SLC39A12: variants seen among roughly 807,000 people sequenced by gnomAD.
The protein encoded by SLC39A12 is zinc transporter ZIP12.
In SLC39A12, 63 loss-of-function variants were observed where a neutral mutation model predicts 71.1. The ratio of observed to expected loss-of-function variants is 0.89; its 90% CI spans 0.72 to 1.09. The LOEUF (loss-of-function observed/expected upper bound fraction) is 1.09, where lower values mean the gene tolerates loss of function less well. SLC39A12 is among the 50% of genes least tolerant of loss of function. SLC39A12 has a pLI of 0.00. For synonymous variants in SLC39A12, 351 were observed against 301.3 expected (o/e 1.16, Z -1.71); for missense variants, 892 against 812.6 (o/e 1.10, Z -1.19).
chr10:18,019,242 C>G (rs146188185), intron 12 of SLC39A12, among the ~76,000 whole-genome samples: 1 of 151,952 alleles, frequency 6.6e-6, no homozygotes, highest in Non-Finnish European at 1.5e-5. Flanking sequence ...TAGTGACATC[C>G]TCTCTTTGAT....
rs750722660 is a variant in SLC39A12, at chr10:17,981,518, G to A, written c.1096+35G>A. 1.9e-6 allele frequency: 3 copies of A among 1,548,960 alleles called. No individual in the cohort carries two copies. In the South Asian group the frequency reaches 3.5e-5, roughly 18 times the overall value. ...GGATCTTCCTTCAGAAAGCTGATGT[G>A]CACAATGTATGCAATAATAATAGTA... is the stretch of plus-strand genomic sequence containing the variant. On this transcript the variant is annotated intron_variant, in intron 6 of 12. Coordinates refer to ENST00000377369, the MANE Select transcript of SLC39A12 (RefSeq NM_001145195.2).
At chr10:18,035,657 CA>C (rs1836983551) in intron 12 of SLC39A12, among the ~76,000 whole-genome samples, 1 of 152,238 alleles carries the variant, frequency 6.6e-6, no homozygotes. Flanking sequence ...TCGTCAAAGT[CA>C]TTCTCCATCC....
At chr10:17,998,366 G>A (rs560243795) in intron 10 of SLC39A12, among the ~76,000 whole-genome samples, 4 of 152,306 alleles carry the variant, frequency 2.6e-5, no homozygotes, top group Admixed American at 6.5e-5. Flanking sequence ...ATATAGGCAT[G>A]TGGAAATTAC....
chr10:18,013,346 T>TTTTTTA (rs57028037), intron 12 of SLC39A12, among the ~76,000 whole-genome samples: 2,449 of 139,830 alleles, frequency 0.018, 72 homozygotes, highest in African/African-American at 0.058. Flanking sequence ...TCCAACTTTA[T>TTTTTTA]TTATTATTAT....
chr10:17,953,637 C>A, intron 2 of SLC39A12, 100 bp downstream of exon 2: 2 of 1,362,664 alleles, frequency 1.5e-6, no homozygotes, highest in Admixed American at 2.5e-5. Flanking sequence ...ACAGGCAAAT[C>A]TTCCAATATG....
intron 6 of SLC39A12, among the ~76,000 whole-genome samples, chr10:17,985,014 A>G (rs1261316734): frequency 6.6e-6 from 1 of 152,198 alleles, no homozygotes; most frequent in Non-Finnish European, 1.5e-5. Flanking sequence ...TCCTCTTAAT[A>G]TCACAAGCCT....
chr10:18,006,973 A>G (rs774867037), intron 12 of SLC39A12, among the ~76,000 whole-genome samples: 3 of 152,166 alleles, frequency 2.0e-5, no homozygotes, highest in Non-Finnish European at 4.4e-5. Context: ...CTGAAATAGC[A>G]CACGTGTGAT....
chr10:18,022,027 C>G (rs1836546860), intron 12 of SLC39A12, among the ~76,000 whole-genome samples: 1 of 152,076 alleles, frequency 6.6e-6, no homozygotes, highest in South Asian at 2.1e-4. Context: ...TGACCTACCC[C>G]TTCTCTCTAG....
rs868440494 is a variant in SLC39A12 at position 17,971,286 on chromosome 10, C to T, written c.751+5596C>T. Among the ~76,000 whole-genome samples the T allele has an allele frequency of 2.0e-3, 255 of 128,918 alleles. 2 individuals are homozygous for T. Among genetic ancestry groups the T allele is most frequent in the African/African-American group, 7.1e-3 (246 of 34,700 alleles). 84.6% of individuals were successfully genotyped at this position (128,918 alleles called of 152,430 possible). On this transcript the variant is annotated intron_variant, in intron 4 of 12. Transcript: ENST00000377369. ...CCTCCCCTCCCCTCCCCTCCCCTCCCCTCCCCTCCCCTTCCTTTCCTGATG... is the reference window on the plus strand; with the variant it reads ...CCTCCCCTCCCCTCCCCTCCCCTCCTCTCCCCTCCCCTTCCTTTCCTGATG...
chr10:17,954,508 C>T (rs1345196228), intron 2 of SLC39A12, among the ~76,000 whole-genome samples: 1 of 152,142 alleles, frequency 6.6e-6, no homozygotes, highest in South Asian at 2.1e-4. Context: ...CCTGCCGCCA[C>T]CTCCCAAAGT....
At chr10:17,980,039 G>A (rs1033618493) in intron 5 of SLC39A12, among the ~76,000 whole-genome samples, 12 of 152,122 alleles carry the variant, frequency 7.9e-5, no homozygotes, top group African/African-American at 2.7e-4. Context: ...GGGCACGGGT[G>A]GGAAGAAGGT....
chr10:18,003,051 C>A, intron 11 of SLC39A12, 120 bp from the exon 12 acceptor site: 2 of 778,464 alleles, frequency 2.6e-6, no homozygotes, highest in African/African-American at 1.7e-5. Context: ...ACTGATCACT[C>A]AACTCTACCT....
intron 12 of SLC39A12, among the ~76,000 whole-genome samples, chr10:18,025,809 C>G (rs1304527533): frequency 6.6e-6 from 1 of 152,214 alleles, no homozygotes; most frequent in Non-Finnish European, 1.5e-5. Context: ...GGAATCACCA[C>G]ACTGACTTCC....
At chr10:17,953,110 C>A in intron 1 of SLC39A12, 81 bp from the exon 2 acceptor site, 1 of 858,970 alleles carries the variant, frequency 1.2e-6, no homozygotes, top group African/African-American at 1.7e-5. Flanking sequence ...TGCAAATCAG[C>A]TTAGCCACCC....
At position 18,042,938 on chromosome 10, in the gene SLC39A12, C is replaced by T; in HGVS notation, c.*105C>T. ...TAAATTAAGAATTTTTTATCTTAGG[C>T]AAAGTGTGTCTCTTTCAATTCATTA... On this transcript the variant is annotated 3_prime_UTR_variant, in exon 13 of 13. Transcript: ENST00000377369. The T allele has an allele frequency of 2.3e-6, 2 of 883,746 alleles. No individual in the cohort carries two copies. The highest frequency in any genetic ancestry group is 1.8e-5 in the African/African-American group (1 of 57,018). 54.7% of individuals were successfully genotyped at this position (883,746 alleles called of 1,614,324 possible). A position where few individuals can be genotyped will look rare whatever the true frequency, so the allele number is the denominator to read the frequency against.
At chr10:17,970,407 C>A in intron 4 of SLC39A12, among the ~76,000 whole-genome samples, 1 of 151,938 alleles carries the variant, frequency 6.6e-6, no homozygotes, top group South Asian at 2.1e-4. Context: ...ATTTATTTTT[C>A]CAATCCATGA....
At chr10:17,990,317 T>C (rs897508712) in intron 7 of SLC39A12, among the ~76,000 whole-genome samples, 8 of 152,196 alleles carry the variant, frequency 5.3e-5, no homozygotes, top group Non-Finnish European at 7.3e-5. Context: ...TATACACACG[T>C]ACATATATGT....
intron 4 of SLC39A12, among the ~76,000 whole-genome samples, chr10:17,967,188 T>G (rs1363763570): frequency 6.6e-6 from 1 of 152,162 alleles, no homozygotes; most frequent in East Asian, 1.9e-4. Flanking sequence ...GTTTGCTGAT[T>G]GCAGTCCTAG....
intron 12 of SLC39A12, among the ~76,000 whole-genome samples, chr10:18,024,986 C>T (rs1836634790): frequency 6.6e-6 from 1 of 152,130 alleles, no homozygotes. Flanking sequence ...TTATTTAAAG[C>T]ATGTTTCTTG....
Sources: gnomAD v4.1 joint callset for allele counts (sites outside exome capture counted in the v4.1 genomes callset) on GRCh38, gnomAD v4.1.1 for gene constraint, MANE v1.5 for transcripts, NCBI Gene and HGNC (gene_info 2026-07-23, HGNC 2026-07-21) for gene names.